Variants in NUP62CL observed in about 807,000 individuals in gnomAD.
NUP62CL encodes nucleoporin-62 C-terminal-like protein.
In NUP62CL, 13 loss-of-function variants were observed where a neutral mutation model predicts 15.3. The ratio of observed to expected loss-of-function variants is 0.85; its 90% CI spans 0.55 to 1.35. The LOEUF is 1.35. NUP62CL is among the 40% of genes most tolerant of loss of function. NUP62CL has a pLI of 0.00. For synonymous variants in NUP62CL, 54 were observed against 49.2 expected, an observed-to-expected ratio of 1.10 and a Z score of -0.41; for missense variants, 123 against 130.6, an observed-to-expected ratio of 0.94 and a Z score of 0.28.
At chrX:107,156,001 G>A (rs1272249042) in intron 4 of NUP62CL, among the ~76,000 whole-genome samples, 1 of 111,841 alleles carries the variant, frequency 8.9e-6, no homozygotes, top group Admixed American at 9.4e-5. Flanking sequence ...CCCTTTCCGA[G>A]TCAAAGAAAG....
At chrX:107,158,336 G>A (rs1926264645) in intron 4 of NUP62CL, among the ~76,000 whole-genome samples, 1 of 49,022 alleles carries the variant, frequency 2.0e-5, no homozygotes, top group Admixed American at 2.8e-4. Flanking sequence ...ATTTTTTTCA[G>A]CACCACACCA....
chrX:107,157,672 T>C (rs1483739786), intron 4 of NUP62CL, among the ~76,000 whole-genome samples: 1 of 108,014 alleles, frequency 9.3e-6, no homozygotes, highest in Non-Finnish European at 1.9e-5. Flanking sequence ...CGCTGCAAAA[T>C]CATGCCAAAA....
chrX:107,183,510 G>T (rs1393418531), intron 2 of NUP62CL, among the ~76,000 whole-genome samples: 1 of 111,329 alleles, frequency 9.0e-6, no homozygotes. Context: ...GTAGAGAGAA[G>T]AAGGCAAACT....
chrX:107,150,377 C>T (rs1295222081), intron 7 of NUP62CL, among the ~76,000 whole-genome samples: 1 of 112,139 alleles, frequency 8.9e-6, no homozygotes, highest in Non-Finnish European at 1.9e-5. Flanking sequence ...AAACTCACAA[C>T]CTTTTCTGCC....
chrX:107,189,882 AAAG>A (rs1454293912), intron 2 of NUP62CL, among the ~76,000 whole-genome samples: 2 of 40,905 alleles, frequency 4.9e-5, no homozygotes, highest in Admixed American at 2.4e-4. Context: ...GAAAGAAAAG[AAAG>A]AAAGAAAGAA....
At chrX:107,133,863 G>A (rs1455448272) in intron 8 of NUP62CL, among the ~76,000 whole-genome samples, 8 of 112,019 alleles carry the variant, frequency 7.1e-5, no homozygotes, top group Non-Finnish European at 1.5e-4. Flanking sequence ...GCTTGAGCCC[G>A]GGAGGTGGAG....
At chrX:107,170,956 A>C (rs1926638478) in intron 3 of NUP62CL, among the ~76,000 whole-genome samples, 1 of 112,110 alleles carries the variant, frequency 8.9e-6, no homozygotes. Flanking sequence ...AAAAAACTAC[A>C]CACTAAATTT....
chrX:107,131,306 T>C (rs1053275306), intron 8 of NUP62CL, among the ~76,000 whole-genome samples: 1 of 111,733 alleles, frequency 8.9e-6, no homozygotes, highest in Non-Finnish European at 1.9e-5. Context: ...AATAGCCTGC[T>C]TTAGATTCCT....
At chrX:107,126,383 T>G (rs1282864799) in intron 8 of NUP62CL, among the ~76,000 whole-genome samples, 1 of 111,996 alleles carries the variant, frequency 8.9e-6, no homozygotes, top group Non-Finnish European at 1.9e-5. Flanking sequence ...TAGACAAGCT[T>G]AATTTAAATG....
rs1602661961 is a variant in NUP62CL, at chrX:107,185,392, C to A, written c.-48+7637G>T. ...TTGAAAGCTGAAGCAAAAATTATAA[C>A]CCTGTCTGATATGGCTCTAAATATA... On this transcript the variant is annotated intron_variant, in intron 2 of 8. Transcript: ENST00000372466. 2.7e-5 allele frequency among the ~76,000 whole-genome samples: 3 copies of A among 111,036 alleles called. 1 individual carries two copies. In the Admixed American group the frequency reaches 2.9e-4, roughly 11 times the overall value.
chrX:107,186,542 G>A (rs1229904145), intron 2 of NUP62CL, among the ~76,000 whole-genome samples: 1 of 111,572 alleles, frequency 9.0e-6, no homozygotes, highest in African/African-American at 3.3e-5. Context: ...AAAAATGTCA[G>A]TAGCATTTGG....
intron 4 of NUP62CL, among the ~76,000 whole-genome samples, chrX:107,162,882 C>T (rs776052763): frequency 5.7e-4 from 63 of 110,932 alleles, no homozygotes; most frequent in African/African-American, 2.0e-3. Flanking sequence ...ACCTAGATCC[C>T]TTGCATGTGT....
chrX:107,190,997 C>T (rs1034852948), intron 2 of NUP62CL, among the ~76,000 whole-genome samples: 4 of 106,632 alleles, frequency 3.8e-5, no homozygotes, highest in Non-Finnish European at 5.8e-5. Flanking sequence ...CCAGAAGCCC[C>T]TGTAATCACT....
intron 2 of NUP62CL, among the ~76,000 whole-genome samples, chrX:107,187,872 C>T (rs1207429673): frequency 9.0e-6 from 1 of 110,732 alleles, no homozygotes; most frequent in Non-Finnish European, 1.9e-5. Flanking sequence ...AGAAATGGAC[C>T]AACTTTTCAA....
intron 1 of NUP62CL, among the ~76,000 whole-genome samples, chrX:107,200,618 CAAAA>C (rs1178515736): frequency 4.4e-5 from 3 of 68,251 alleles, no homozygotes; most frequent in Non-Finnish European, 8.6e-5. Flanking sequence ...GATTCCGTCT[CAAAA>C]AAAAAAAAAA....
chrX:107,146,861 G>A (rs1925894087), intron 8 of NUP62CL, among the ~76,000 whole-genome samples: 2 of 111,089 alleles, frequency 1.8e-5, no homozygotes, highest in Admixed American at 9.6e-5. Context: ...TACTTTCCCA[G>A]CCTGAGGCAT....
intron 2 of NUP62CL, among the ~76,000 whole-genome samples, chrX:107,179,972 TTC>T (rs1267880531): frequency 1.2e-5 from 1 of 82,938 alleles, no homozygotes; most frequent in Non-Finnish European, 2.0e-5. Context: ...CCATCATTTT[TTC>T]TCTCTGTCTA....
chrX:107,194,531 C>T lies in NUP62CL; in HGVS notation c.-91-1459G>A, dbSNP rs755236473. On this transcript the variant is annotated intron_variant, in intron 1 of 8. Transcript: ENST00000372466. ...GAGATGACTAAAAATTAGTTTTTAA[C>T]ACAGTAGCTCTGAAAGGCAATTCTA... 4.5e-5 allele frequency among the ~76,000 whole-genome samples: 5 copies of T among 111,415 alleles called. No homozygotes were observed. In the South Asian group the frequency reaches 1.9e-3, roughly 42 times the overall value.
chrX:107,145,066 A>T (rs1456820501), intron 8 of NUP62CL, among the ~76,000 whole-genome samples: 1 of 111,522 alleles, frequency 9.0e-6, no homozygotes, highest in African/African-American at 3.3e-5. Context: ...AACTCTCCCC[A>T]TCAGGCAGTT....
Sources: allele counts gnomAD v4.1 joint callset (sites outside exome capture counted in the v4.1 genomes callset), GRCh38; gene constraint gnomAD v4.1.1; transcripts MANE v1.5; gene names NCBI Gene and HGNC (gene_info 2026-07-23, HGNC 2026-07-21).